The following COIL variants were observed in gnomAD, a reference collection of about 807,000 sequenced individuals.
The protein encoded by COIL is coilin p80.
In COIL, 28 loss-of-function variants were observed where a neutral mutation model predicts 51.6. The observed-to-expected ratio is 0.54, with a 90% confidence interval of 0.40 to 0.74. The LOEUF (loss-of-function observed/expected upper bound fraction) is 0.74. Among genes scored for constraint, COIL ranks in the 30% least tolerant of loss-of-function variants. The pLI is 0.00. For missense variants in COIL, 667 were observed against 685.9 expected (o/e 0.97, Z 0.31); for synonymous variants, 233 against 255.8 (o/e 0.91, Z 0.85).
chr17:56,946,932 G>A (rs775238756), intron 4 of COIL, among the ~76,000 whole-genome samples: 4 of 151,996 alleles, frequency 2.6e-5, no homozygotes, highest in Admixed American at 6.6e-5. Context: ...GTGCAGCCTC[G>A]GTTCCTGATG....
rs572221917 is a variant in COIL at position 56,944,126 on chromosome 17, G to A, written c.1559-2003C>T. On this transcript the variant is annotated intron_variant, in intron 5 of 6. Transcript: ENST00000240316. The stretch of plus-strand genomic sequence containing the variant: ...AAGTGATCCTCCCACCTTCGCCCCC[G>A]AAGCCATTTCTTGATGCCCTAAAGA... Among the ~76,000 whole-genome samples the A allele has an allele frequency of 5.9e-5, 9 of 151,660 alleles. No individual in the cohort carries two copies. In the East Asian group the frequency reaches 9.7e-4, roughly 16 times the overall value.
At chr17:56,957,517 G>A (rs1486132278) in intron 1 of COIL, among the ~76,000 whole-genome samples, 1 of 150,370 alleles carries the variant, frequency 6.7e-6, no homozygotes, top group East Asian at 2.0e-4. Flanking sequence ...AGCTACTCGG[G>A]AGGCTGAGGC....
chr17:56,946,478 G>A lies in COIL; in HGVS notation c.1522C>T (p.Gln508Ter), dbSNP rs777089352. Residue 508 changes from glutamine to a stop codon, truncating the protein, a stop_gained, in exon 5 of 7, where the codon CAG becomes TAG. Coordinates refer to ENST00000240316, the MANE Select transcript of COIL (RefSeq NM_004645.3). LOFTEE classifies it high-confidence loss of function. ...GAAAGAATTTCTATATCTACTTGCT[G>A]GGTCTCTGGATTGTGGCTTAATATT... ...GRILSHNPET[Q>*]QVDIEILSSL... The A allele has an allele frequency of 5.6e-6, 9 of 1,611,344 alleles. No individual in the cohort carries two copies. Among genetic ancestry groups the A allele is most frequent in the Non-Finnish European group, 6.8e-6 (8 of 1,178,168 alleles).
Position 56,950,649 on chromosome 17 carries a change from T to G in COIL, c.593A>C (p.Lys198Thr). Reference sequence around the variant, plus strand: ...CTGTACTTTCGGAGACTTGGGATTCTTAGCCTTTTTTTTATATTCACATTT... The same window carrying G: ...CTGTACTTTCGGAGACTTGGGATTCGTAGCCTTTTTTTTATATTCACATTT... ...KEKCEYKKKA[K>T]NPKSPKVQAV... Residue 198 changes from lysine to threonine, a missense_variant, in exon 2 of 7, where the codon AAG (lysine) becomes ACG (threonine). By Grantham distance (78) the Lys-to-Thr change is moderately conservative. Transcript: ENST00000240316. 1 of 1,610,732 alleles carries G rather than the reference T, an allele frequency of 6.2e-7. No individual in the cohort carries two copies. The highest frequency in any genetic ancestry group is 8.5e-7 in the Non-Finnish European group (1 of 1,179,276).
chr17:56,957,684 C>A (rs181667730), intron 1 of COIL, among the ~76,000 whole-genome samples: 77 of 152,190 alleles, frequency 5.1e-4, no homozygotes, highest in African/African-American at 1.7e-3. Flanking sequence ...TCTGCCAACA[C>A]CCTGATCTTG....
At chr17:56,958,334 G>C (rs568983841) in intron 1 of COIL, among the ~76,000 whole-genome samples, 2 of 152,332 alleles carry the variant, frequency 1.3e-5, no homozygotes, top group Admixed American at 1.3e-4. Flanking sequence ...TTTGAGAATA[G>C]AGACTATGTG....
intron 4 of COIL, among the ~76,000 whole-genome samples, chr17:56,946,826 A>G (rs1910257866): frequency 6.6e-6 from 1 of 152,218 alleles, no homozygotes; most frequent in Non-Finnish European, 1.5e-5. Flanking sequence ...GTGACTGAAT[A>G]AGGGAAAAGG....
chr17:56,959,845 C>T (rs1272668133), intron 1 of COIL, among the ~76,000 whole-genome samples: 1 of 152,246 alleles, frequency 6.6e-6, no homozygotes, highest in Non-Finnish European at 1.5e-5. Context: ...AAAGCCTGGC[C>T]CTGCCCTTAG....
chr17:56,950,522 T>A lies in COIL; in HGVS notation c.720A>T (p.Ser240=). Residue 240 remains serine (S), a synonymous_variant, in exon 2 of 7, where the codon TCA becomes TCT. Transcript: ENST00000240316. ...CCGAGGAGGAACTGGGACTCTCTTT[T>A]GAGCAAACGCTTACACTACCTTTCC... ...AKRKGSVSVC[S]KESPSSSSES... The A allele has an allele frequency of 3.1e-6, 5 of 1,614,228 alleles. No homozygotes were observed. The highest frequency in any genetic ancestry group is 4.2e-6 in the Non-Finnish European group (5 of 1,180,042).
At chr17:56,949,310 A>T in intron 4 of COIL, 77 bp downstream of exon 4, 3 of 1,146,802 alleles carry the variant, frequency 2.6e-6, no homozygotes, top group Non-Finnish European at 3.7e-6. Context: ...AATCTGTATT[A>T]TCCATACAAG....
At chr17:56,943,937 C>T (rs1297900257) in intron 5 of COIL, among the ~76,000 whole-genome samples, 1 of 152,146 alleles carries the variant, frequency 6.6e-6, no homozygotes, top group African/African-American at 2.4e-5. Flanking sequence ...GCAATCATGA[C>T]TCACTGCAGC....
chr17:56,949,581 G>A, intron 3 of COIL, 100 bp downstream of exon 3: 1 of 1,391,392 alleles, frequency 7.2e-7, no homozygotes, highest in Non-Finnish European at 1.0e-6. Context: ...GGGTTCCAGT[G>A]GGAAGGGCTT....
In COIL at chr17:56,949,751, G is replaced by T; in HGVS notation, c.1370C>A (p.Pro457His). ...STIIQNPVET[P>H]KKDYSLLPLL... Reference sequence around the variant, plus strand: ...TGGTAACAGACTATAGTCCTTCTTGGGTGTCTCTACTGGATTCTGAAAAAC... The same window carrying T: ...TGGTAACAGACTATAGTCCTTCTTGTGTGTCTCTACTGGATTCTGAAAAAC... Residue 457 changes from proline (P) to histidine (H), a missense_variant, in exon 3 of 7, where the codon CCC (proline) becomes CAC (histidine). Pro to His is a moderately conservative substitution (Grantham distance 77). Transcript: ENST00000240316. 6.2e-7 allele frequency: 1 copy of T among 1,614,022 alleles called. No homozygotes were observed. Among genetic ancestry groups the T allele is most frequent in the Non-Finnish European group, 8.5e-7 (1 of 1,179,930 alleles).
At position 56,949,995 on chromosome 17, in the gene COIL, C is replaced by G. The variant is rs1295453195; in HGVS notation, c.1247G>C (p.Gly416Ala). Residue 416 changes from glycine to alanine, a missense_variant, in exon 2 of 7, where the codon GGT becomes GCT. By Grantham distance (60) the Gly-to-Ala change is moderately conservative. Transcript: ENST00000240316. ...GAKGRGMRGR[G>A]RGRGHPVSCV... Reference sequence around the variant, plus strand: ...GGAAACAGGATGCCCTCGTCCTCGACCTCTCCCCCGCATGCCCCGTCCCTT... The same window carrying G: ...GGAAACAGGATGCCCTCGTCCTCGAGCTCTCCCCCGCATGCCCCGTCCCTT... The G allele has an allele frequency of 1.2e-6, 2 of 1,614,176 alleles. No individual in the cohort carries two copies. The highest frequency in any genetic ancestry group is 4.5e-5 in the East Asian group (2 of 44,888).
At chr17:56,939,881 A>G (rs1910113457) in intron 6 of COIL, 1 of 152,084 alleles carries the variant, frequency 6.6e-6, no homozygotes, top group Non-Finnish European at 1.5e-5. Flanking sequence ...CAACCCCTGC[A>G]TTTGATTTGC....
At chr17:56,953,125 C>T (rs1167450191) in intron 1 of COIL, among the ~76,000 whole-genome samples, 3 of 151,600 alleles carry the variant, frequency 2.0e-5, no homozygotes, top group Non-Finnish European at 4.4e-5. Context: ...AAAATACAAA[C>T]ATCAGGCTGG....
intron 6 of COIL, among the ~76,000 whole-genome samples, chr17:56,939,669 G>C (rs1464621291): frequency 6.6e-6 from 1 of 152,156 alleles, no homozygotes; most frequent in Non-Finnish European, 1.5e-5. Context: ...GAACCCAGTA[G>C]GTGGAGGTTG....
rs1206809161 is a variant in COIL, at chr17:56,960,845, G to A, written c.175C>T (p.Leu59Phe). ...GGCAAGAGCCCCCCCTCCAGGTAGA[G>A]GCCTAGGAAGGCCCCAGAACTGAAG... ...FGFSSGAFLG[L>F]YLEGGLLPPA... is the part of the protein sequence containing the mutation. The change falls in exon 1 of 7, where the codon CTC (leucine) becomes TTC (phenylalanine). Residue 59 changes from leucine (L) to phenylalanine (F), a missense_variant. Physicochemically the swap from Leu to Phe is conservative, Grantham distance 22 (BLOSUM62 0). Transcript: ENST00000240316. 1.2e-6 allele frequency: 2 copies of A among 1,610,276 alleles called. No homozygotes were observed. Among genetic ancestry groups the A allele is most frequent in the Non-Finnish European group, 1.7e-6 (2 of 1,178,472 alleles).
chr17:56,952,287 C>T (rs1910387834), intron 1 of COIL: 2 of 482,566 alleles, frequency 4.1e-6, no homozygotes, highest in South Asian at 3.1e-5. Context: ...GGCAGAATAA[C>T]CTGCTCCCAT....
Sources: allele counts gnomAD v4.1 joint callset (sites outside exome capture counted in the v4.1 genomes callset), GRCh38; gene constraint gnomAD v4.1.1; transcripts MANE v1.5; gene names NCBI Gene and HGNC (gene_info 2026-07-23, HGNC 2026-07-21).